The following OTOP1 variants were observed in gnomAD, a reference collection of about 807,000 sequenced individuals.
OTOP1 encodes the protein proton channel OTOP1.
A neutral mutation model predicts 52.9 loss-of-function variants in OTOP1; 59 were observed. The observed-to-expected ratio is 1.12, with a 90% CI of 0.91 to 1.39. The LOEUF (loss-of-function observed/expected upper bound fraction) is 1.39. OTOP1 is among the 40% of genes most tolerant of loss of function. The probability of loss-of-function intolerance (pLI) is 0.00; values close to 1 mark genes in which losing one functional copy is unlikely to be tolerated. For missense variants in OTOP1, 761 were observed against 800.9 expected (o/e 0.95, Z 0.60); for synonymous variants, 317 against 337.7 (o/e 0.94, Z 0.67).
chr4:4,199,200 T>A (rs1423117641), intron 4 of OTOP1, among the ~76,000 whole-genome samples: 5 of 112,510 alleles, frequency 4.4e-5, no homozygotes, highest in Admixed American at 9.0e-5. Context: ...AAATATAATT[T>A]AAAAAAAACT....
chr4:4,208,952 T>C (rs113133046), intron 2 of OTOP1, among the ~76,000 whole-genome samples: 1 of 152,178 alleles, frequency 6.6e-6, no homozygotes, highest in Non-Finnish European at 1.5e-5. Context: ...CATAATCCAC[T>C]GAGAAAAAGA....
intron 5 of OTOP1, among the ~76,000 whole-genome samples, chr4:4,190,339 C>G (rs147490993): frequency 6.6e-6 from 1 of 152,050 alleles, no homozygotes; most frequent in Non-Finnish European, 1.5e-5. Context: ...CCAGGTATGG[C>G]GGCATGTGCC....
chr4:4,203,857 GT>G (rs1193333613), intron 3 of OTOP1, among the ~76,000 whole-genome samples: 2 of 152,226 alleles, frequency 1.3e-5, no homozygotes, highest in African/African-American at 4.8e-5. Flanking sequence ...CTTTGGGTGG[GT>G]CCCCTGCCTG....
At chr4:4,201,332 C>T (rs1189508669) in intron 4 of OTOP1, among the ~76,000 whole-genome samples, 3 of 152,024 alleles carry the variant, frequency 2.0e-5, no homozygotes, top group Non-Finnish European at 4.4e-5. Flanking sequence ...GAAGCTGAGG[C>T]AGGAGAATCA....
Position 4,212,226 on chromosome 4 carries a change from T to C in OTOP1, c.540+642A>G, listed in dbSNP as rs149275530. Among the ~76,000 whole-genome samples the C allele has an allele frequency of 9.1e-3, 1,392 of 152,314 alleles. 30 individuals are homozygous for C. Among genetic ancestry groups the C allele is most frequent in the African/African-American group, 0.031 (1,272 of 41,564 alleles). On this transcript the variant is annotated intron_variant, in intron 2 of 5. Transcript: ENST00000296358. ...ACCCATCTAACATTCTTTTCAACCA[T>C]GAGATTTTTCTGACCCTAAGCTGTG...
intron 2 of OTOP1, among the ~76,000 whole-genome samples, chr4:4,207,447 C>A (rs1253396273): frequency 6.6e-6 from 1 of 152,174 alleles, no homozygotes; most frequent in Non-Finnish European, 1.5e-5. Context: ...AAAACAATAG[C>A]AAATGCTGGT....
At chr4:4,222,110 C>T (rs1369365498) in intron 1 of OTOP1, among the ~76,000 whole-genome samples, 2 of 152,100 alleles carry the variant, frequency 1.3e-5, no homozygotes, top group Admixed American at 6.5e-5. Context: ...GGCACTGTGC[C>T]AGGAGCTCAG....
intron 5 of OTOP1, among the ~76,000 whole-genome samples, chr4:4,194,927 C>T (rs924608531): frequency 2.6e-5 from 4 of 152,196 alleles, no homozygotes; most frequent in African/African-American, 7.2e-5. Context: ...TTCTCTCCAT[C>T]CCTCCATCAC....
chr4:4,217,445 C>T (rs1355765612), intron 1 of OTOP1, among the ~76,000 whole-genome samples: 2 of 152,198 alleles, frequency 1.3e-5, no homozygotes, highest in African/African-American at 2.4e-5. Flanking sequence ...GCTAAGATGT[C>T]GCCCGCGTGT....
rs1716416437 is a variant in OTOP1, at chr4:4,188,825, A to G, written c.1817T>C (p.Phe606Ser). 6.2e-7 allele frequency: 1 copy of G among 1,613,602 alleles called. No homozygotes were observed. Among genetic ancestry groups the G allele is most frequent in the South Asian group, 1.1e-5 (1 of 91,012 alleles). Residue 606 changes from phenylalanine to serine, a missense_variant, in exon 6 of 6, where the codon TTT becomes TCT. This residue lies in a region of OTOP1 where 632 missense variants were observed against 619.5 expected (regional missense o/e 1.02). Coordinates refer to ENST00000296358, the MANE Select transcript of OTOP1 (RefSeq NM_177998.3). ...FYRMHAAASL[F>S]EVYCKI ...AGACTATATCTTACAATAGACCTCAAAGAGGGAGGCAGCTGCGTGCATTCG... is the reference window on the plus strand; with the variant it reads ...AGACTATATCTTACAATAGACCTCAGAGAGGGAGGCAGCTGCGTGCATTCG...
At chr4:4,220,978 A>T (rs1717287909) in intron 1 of OTOP1, among the ~76,000 whole-genome samples, 1 of 152,138 alleles carries the variant, frequency 6.6e-6, no homozygotes, top group East Asian at 1.9e-4. Context: ...AGGAGGCTCA[A>T]TATCTCTCAA....
At chr4:4,201,386 C>T (rs1333990945) in intron 4 of OTOP1, among the ~76,000 whole-genome samples, 3 of 151,680 alleles carry the variant, frequency 2.0e-5, no homozygotes, top group African/African-American at 7.3e-5. Context: ...GAGGTCACGC[C>T]ACTGTACTCC....
rs373774427 is a variant in OTOP1 at position 4,216,257 on chromosome 4, T to G, written c.404-3253A>C. Among the ~76,000 whole-genome samples, 201 of 152,248 alleles carry G rather than the reference T, an allele frequency of 1.3e-3. 3 individuals carry two copies. The South Asian group carries it at 0.039, about 30-fold the overall frequency. On this transcript the variant is annotated intron_variant, in intron 1 of 5. Transcript: ENST00000296358. Reference sequence around the variant, plus strand: ...AAAACAAACTAATAAAAAATTTGCATATAAAAAAGACTGGAAAGGAATATA... The same window carrying G: ...AAAACAAACTAATAAAAAATTTGCAGATAAAAAAGACTGGAAAGGAATATA...
chr4:4,219,882 T>C (rs1197949569), intron 1 of OTOP1, among the ~76,000 whole-genome samples: 2 of 146,430 alleles, frequency 1.4e-5, no homozygotes, highest in Admixed American at 1.4e-4. Context: ...TATATGTATA[T>C]ATACACATAT....
In OTOP1 at chr4:4,226,758, G is replaced by C. The variant is rs1717449692; in HGVS notation, c.107C>G (p.Pro36Arg). The C allele has an allele frequency of 2.9e-6, 4 of 1,389,352 alleles. No homozygotes were observed. The highest frequency in any genetic ancestry group is 3.0e-5 in the African/African-American group (2 of 65,960). The allele number at this position is 1,389,352 out of a possible 1,614,324, so 86.1% of individuals were successfully genotyped here. The change falls in exon 1 of 6, where the codon CCG becomes CGG. Residue 36 changes from proline (P) to arginine (R), a missense_variant. Around this residue, in one of 3 missense-constraint regions of OTOP1, gnomAD observed 73 missense variants for 75.7 expected, o/e 0.96. Transcript: ENST00000296358. Reference protein sequence around the residue: ...AACSPPSSSAPRSPESPAPRR... With the variant: ...AACSPPSSSARRSPESPAPRR... ...GGGGGCCGGGGATTCCGGGGACCTC[G>C]GGGCCGAGGACGAGGGAGGCGAGCA... is the stretch of plus-strand genomic sequence containing the variant.
chr4:4,210,613 C>T (rs1403954287), intron 2 of OTOP1, among the ~76,000 whole-genome samples: 2 of 152,106 alleles, frequency 1.3e-5, no homozygotes, highest in Admixed American at 6.5e-5. Context: ...GGTGGATTGC[C>T]TGAGGTCAGG....
chr4:4,195,649 A>G (rs2980125), intron 5 of OTOP1, among the ~76,000 whole-genome samples: 1 of 152,110 alleles, frequency 6.6e-6, no homozygotes, highest in Non-Finnish European at 1.5e-5. Flanking sequence ...CAACCCCAAG[A>G]AGCCAACCTC....
At chr4:4,193,569 C>T (rs925900511) in intron 5 of OTOP1, among the ~76,000 whole-genome samples, 4 of 152,150 alleles carry the variant, frequency 2.6e-5, no homozygotes, top group Admixed American at 2.0e-4. Flanking sequence ...TTTCAAAGTG[C>T]CACCCCATGA....
At chr4:4,205,760 A>G (rs1577179625) in intron 3 of OTOP1, among the ~76,000 whole-genome samples, 1 of 152,330 alleles carries the variant, frequency 6.6e-6, no homozygotes, top group African/African-American at 2.4e-5. Flanking sequence ...GACGGTTAAA[A>G]AAAGAAATTA....
Sources: gnomAD v4.1 joint callset for allele counts (sites outside exome capture counted in the v4.1 genomes callset) on GRCh38, gnomAD v4.1.1 for gene constraint, gnomAD v4.1.1 regional missense constraint, MANE v1.5 for transcripts, NCBI Gene and HGNC (gene_info 2026-07-23, HGNC 2026-07-21) for gene names.